The following ARHGAP10 variants were observed in gnomAD, a reference collection of about 807,000 sequenced individuals.
ARHGAP10 encodes rho GTPase-activating protein 10.
ARHGAP10 carries 87 observed loss-of-function variants against 108.6 expected under a neutral mutation model. The observed-to-expected ratio is 0.80, with a 90% CI of 0.67 to 0.96. The LOEUF is 0.96. Ranked by LOEUF, ARHGAP10 falls within the 40% of genes least tolerant of loss-of-function variation. The probability of loss-of-function intolerance (pLI) is 0.00; values close to 1 mark genes in which losing one functional copy is unlikely to be tolerated. For missense variants in ARHGAP10, 939 were observed against 954.5 expected (o/e 0.98, Z 0.21); for synonymous variants, 347 against 341.1 (o/e 1.02, Z -0.19).
At chr4:147,958,910 G>T (rs2126988462) in intron 16 of ARHGAP10, among the ~76,000 whole-genome samples, 1 of 152,230 alleles carries the variant, frequency 6.6e-6, no homozygotes, top group East Asian at 1.9e-4. Flanking sequence ...ATGCTGATTT[G>T]TAGTTACACA....
intron 1 of ARHGAP10, among the ~76,000 whole-genome samples, chr4:147,799,275 A>G (rs1293696608): frequency 6.6e-6 from 1 of 152,128 alleles, no homozygotes; most frequent in African/African-American, 2.4e-5. Flanking sequence ...CCTGACCTCA[A>G]GTGATCTGCC....
At chr4:147,774,785 A>G (rs930370310) in intron 1 of ARHGAP10, among the ~76,000 whole-genome samples, 49 of 152,202 alleles carry the variant, frequency 3.2e-4, no homozygotes, top group African/African-American at 1.2e-3. Context: ...GATTCTTGGC[A>G]GAGATGAGAA....
At chr4:147,838,274 T>C (rs1733254843) in intron 3 of ARHGAP10, among the ~76,000 whole-genome samples, 1 of 152,150 alleles carries the variant, frequency 6.6e-6, no homozygotes. Context: ...AAGCCAAAAG[T>C]ATATGTTAGC....
rs572156560 is a variant in ARHGAP10, at chr4:148,001,175, C to T, written c.1717-22088C>T. ...AGCACCTTTTATTGAATAGGGAATC[C>T]TTTCCCCATTTCCTATTTTTGTCAG... On this transcript the variant is annotated intron_variant, in intron 18 of 22. Transcript: ENST00000336498. 1.2e-4 allele frequency among the ~76,000 whole-genome samples: 18 copies of T among 152,324 alleles called. No individual in the cohort carries two copies. In the South Asian group the frequency reaches 3.5e-3, roughly 30 times the overall value.
chr4:148,028,039 G>T (rs756978262), intron 19 of ARHGAP10, among the ~76,000 whole-genome samples: 1 of 152,226 alleles, frequency 6.6e-6, no homozygotes, highest in South Asian at 2.1e-4. Context: ...CTAATTTTCT[G>T]TTCCCATTCT....
chr4:147,839,090 T>C (rs1733292625), intron 3 of ARHGAP10, among the ~76,000 whole-genome samples: 1 of 146,606 alleles, frequency 6.8e-6, no homozygotes, highest in South Asian at 2.2e-4. Context: ...TTTAGATCTA[T>C]CGTATCTATC....
intron 16 of ARHGAP10, among the ~76,000 whole-genome samples, chr4:147,955,674 A>G (rs1340046674): frequency 2.0e-5 from 3 of 152,166 alleles, no homozygotes; most frequent in Non-Finnish European, 4.4e-5. Flanking sequence ...ACTTCTCATT[A>G]TACTACAAAA....
At chr4:147,978,227 T>C (rs190646069) in intron 18 of ARHGAP10, among the ~76,000 whole-genome samples, 22 of 152,332 alleles carry the variant, frequency 1.4e-4, no homozygotes, top group Admixed American at 5.2e-4. Context: ...GTTCTATTTT[T>C]AGTTCTTTGA....
intron 18 of ARHGAP10, among the ~76,000 whole-genome samples, chr4:147,991,323 GT>G (rs960790614): frequency 2.6e-5 from 4 of 152,104 alleles, no homozygotes; most frequent in Admixed American, 6.5e-5. Flanking sequence ...AGGCAGCCCT[GT>G]AGTGAGAATA....
chr4:147,887,520 C>A (rs1409452770), intron 10 of ARHGAP10, among the ~76,000 whole-genome samples: 1 of 152,106 alleles, frequency 6.6e-6, no homozygotes, highest in Non-Finnish European at 1.5e-5. Context: ...TTTTTTAACT[C>A]CTATAAACAT....
chr4:147,999,402 T>G (rs918351858), intron 18 of ARHGAP10, among the ~76,000 whole-genome samples: 1 of 152,208 alleles, frequency 6.6e-6, no homozygotes, highest in African/African-American at 2.4e-5. Context: ...CTGGTCCGTG[T>G]TTGTTACAGC....
intron 16 of ARHGAP10, among the ~76,000 whole-genome samples, chr4:147,964,195 T>G (rs1417084861): frequency 1.3e-5 from 2 of 152,156 alleles, no homozygotes; most frequent in African/African-American, 2.4e-5. Flanking sequence ...TGCGGGCCCT[T>G]ACGCTACAGG....
chr4:147,801,967 G>T (rs1731601890), intron 1 of ARHGAP10, among the ~76,000 whole-genome samples: 1 of 152,198 alleles, frequency 6.6e-6, no homozygotes, highest in Non-Finnish European at 1.5e-5. Context: ...TGGGATGGGA[G>T]GCATTGATTT....
intron 1 of ARHGAP10, among the ~76,000 whole-genome samples, chr4:147,803,144 G>A (rs1731648381): frequency 6.6e-6 from 1 of 152,006 alleles, no homozygotes; most frequent in African/African-American, 2.4e-5. Flanking sequence ...AAGTAACTGG[G>A]ATTACAGGTG....
rs553045104 is a variant in ARHGAP10 at position 147,977,804 on chromosome 4, T to C, written c.1716+10965T>C. On this transcript the variant is annotated intron_variant, in intron 18 of 22. Transcript: ENST00000336498. ...GAAGTTTTTCCACCCTTTCTCTCTC[T>C]CTCCCCCTCCCCCTCCCCTTTTGGA... 1.6e-3 allele frequency among the ~76,000 whole-genome samples: 247 copies of C among 152,148 alleles called. 1 individual carries two copies. The highest frequency in any genetic ancestry group is 5.3e-3 in the African/African-American group (218 of 41,498).
At chr4:148,002,989 T>C (rs961481486) in intron 18 of ARHGAP10, among the ~76,000 whole-genome samples, 3 of 152,232 alleles carry the variant, frequency 2.0e-5, no homozygotes, top group Admixed American at 2.0e-4. Context: ...CTTCTCTAGT[T>C]CTTTTAATTG....
chr4:147,947,074 G>T (rs993299089), intron 15 of ARHGAP10, among the ~76,000 whole-genome samples: 4 of 152,118 alleles, frequency 2.6e-5, no homozygotes, highest in African/African-American at 9.7e-5. Flanking sequence ...AAGTTTAAAT[G>T]ATTTGAACTT....
At chr4:147,902,453 C>T (rs770378340) in intron 10 of ARHGAP10, among the ~76,000 whole-genome samples, 1 of 152,164 alleles carries the variant, frequency 6.6e-6, no homozygotes, top group South Asian at 2.1e-4. Flanking sequence ...TGAGGCCGGG[C>T]GCAGTGGCTC....
At chr4:148,014,668 A>G (rs1741284188) in intron 18 of ARHGAP10, among the ~76,000 whole-genome samples, 2 of 152,200 alleles carry the variant, frequency 1.3e-5, no homozygotes, top group South Asian at 4.1e-4. Context: ...TATGGGTGCA[A>G]TAGGTAGTTC....
Sources: allele counts gnomAD v4.1 joint callset (sites outside exome capture counted in the v4.1 genomes callset), GRCh38; gene constraint gnomAD v4.1.1; transcripts MANE v1.5; gene names NCBI Gene and HGNC (gene_info 2026-07-23, HGNC 2026-07-21).